Variants in AGBL1 observed in about 807,000 individuals in gnomAD.
AGBL1 encodes the protein cytosolic carboxypeptidase 4.
Under a neutral mutation model 118.9 loss-of-function variants are expected in AGBL1, and 130 were observed. That is an observed-to-expected ratio of 1.09 (90% CI 0.95 to 1.26). The LOEUF (loss-of-function observed/expected upper bound fraction) is 1.26, where lower values mean the gene tolerates loss of function less well. Among genes scored for constraint, AGBL1 ranks in the 50% most tolerant of loss-of-function variants. The probability of loss-of-function intolerance (pLI) is 0.00; values close to 1 mark genes in which losing one functional copy is unlikely to be tolerated. For synonymous variants in AGBL1, 555 were observed against 478.9 expected, an observed-to-expected ratio of 1.16 and a Z score of -2.08; for missense variants, 1,584 against 1,298.1, an observed-to-expected ratio of 1.22 and a Z score of -3.38.
At chr15:86,582,833 G>C (rs1315695973) in intron 21 of AGBL1, among the ~76,000 whole-genome samples, 1 of 149,308 alleles carries the variant, frequency 6.7e-6, no homozygotes, top group Non-Finnish European at 1.5e-5. Flanking sequence ...GACACAGGAA[G>C]GGGAACATCA....
chr15:86,665,236 G>T (rs1209061570), intron 21 of AGBL1, among the ~76,000 whole-genome samples: 1 of 152,100 alleles, frequency 6.6e-6, no homozygotes, highest in East Asian at 1.9e-4. Flanking sequence ...TGTCTCTGTT[G>T]CTCATTTTAC....
chr15:86,803,380 T>G (rs1394240791), intron 22 of AGBL1, among the ~76,000 whole-genome samples: 1 of 152,162 alleles, frequency 6.6e-6, no homozygotes, highest in East Asian at 1.9e-4. Context: ...GATTGTAAGT[T>G]TCCCTGAGGC....
At chr15:86,436,509 C>T (rs969964669) in intron 18 of AGBL1, among the ~76,000 whole-genome samples, 6 of 151,992 alleles carry the variant, frequency 3.9e-5, no homozygotes, top group Non-Finnish European at 1.5e-5. Flanking sequence ...AGTTTCAGGG[C>T]CAGGAAACTC....
intron 18 of AGBL1, among the ~76,000 whole-genome samples, chr15:86,459,640 C>T (rs116953343): frequency 0.017 from 2,625 of 152,186 alleles, 29 homozygotes; most frequent in Non-Finnish European, 0.024. Context: ...GCCCCAGACA[C>T]AGCCCTCCAC....
At chr15:86,171,262 G>A (rs1330583611) in intron 5 of AGBL1, among the ~76,000 whole-genome samples, 6 of 152,128 alleles carry the variant, frequency 3.9e-5, no homozygotes, top group Non-Finnish European at 8.8e-5. Context: ...TATTATTTTA[G>A]TCTCTTTAAA....
intron 17 of AGBL1, among the ~76,000 whole-genome samples, chr15:86,380,584 C>G (rs2081101214): frequency 1.3e-5 from 2 of 148,914 alleles, no homozygotes; most frequent in Non-Finnish European, 3.0e-5. Context: ...CTCACTCCCT[C>G]CCTATGGCAT....
At chr15:86,830,856 A>G (rs1359221569) in intron 22 of AGBL1, among the ~76,000 whole-genome samples, 2 of 152,212 alleles carry the variant, frequency 1.3e-5, no homozygotes, top group Non-Finnish European at 2.9e-5. Context: ...ATGGCATCTC[A>G]TATAACAATG....
intron 17 of AGBL1, among the ~76,000 whole-genome samples, chr15:86,395,558 T>C (rs2081349720): frequency 6.6e-6 from 1 of 152,112 alleles, no homozygotes; most frequent in African/African-American, 2.4e-5. Context: ...TATTCAACTT[T>C]TTCTACCCAG....
chr15:86,930,317 A>T (rs2080590325), intron 23 of AGBL1, among the ~76,000 whole-genome samples: 1 of 152,168 alleles, frequency 6.6e-6, no homozygotes. Flanking sequence ...TATGAACAGG[A>T]TGAAGTGATG....
At chr15:86,312,612 C>T (rs1419385949) in intron 17 of AGBL1, among the ~76,000 whole-genome samples, 3 of 152,200 alleles carry the variant, frequency 2.0e-5, no homozygotes, top group African/African-American at 7.2e-5. Flanking sequence ...CCCCAGTGTC[C>T]TATGTGTATC....
intron 17 of AGBL1, among the ~76,000 whole-genome samples, chr15:86,306,856 T>C (rs2079849624): frequency 6.6e-6 from 1 of 152,196 alleles, no homozygotes; most frequent in Admixed American, 6.5e-5. Flanking sequence ...ATAAAAGCCA[T>C]TTTAACTGTG....
intron 16 of AGBL1, among the ~76,000 whole-genome samples, chr15:86,290,482 C>G (rs1227417327): frequency 6.6e-6 from 1 of 151,388 alleles, no homozygotes; most frequent in African/African-American, 2.4e-5. Flanking sequence ...TCCCACGTAG[C>G]TGGGACCACA....
chr15:86,128,326 A>C (rs887693057), intron 1 of AGBL1, among the ~76,000 whole-genome samples: 1 of 152,062 alleles, frequency 6.6e-6, no homozygotes, highest in Non-Finnish European at 1.5e-5. Context: ...CCACAAGAAC[A>C]GTATGGGGGA....
At chr15:86,294,631 T>A (rs1395812113) in intron 16 of AGBL1, among the ~76,000 whole-genome samples, 1 of 152,162 alleles carries the variant, frequency 6.6e-6, no homozygotes, top group Non-Finnish European at 1.5e-5. Context: ...CTATGTGCTG[T>A]AGAAGTTTTC....
At chr15:86,259,755 G>C (rs1238371601) in intron 9 of AGBL1, among the ~76,000 whole-genome samples, 1 of 152,212 alleles carries the variant, frequency 6.6e-6, no homozygotes, top group African/African-American at 2.4e-5. Context: ...GAATAATACT[G>C]TGCTGCTGCA....
intron 22 of AGBL1, among the ~76,000 whole-genome samples, chr15:86,784,930 T>TA (rs539429718): frequency 3.3e-5 from 5 of 151,812 alleles, no homozygotes; most frequent in South Asian, 4.2e-4. Context: ...ATAAGATTAT[T>TA]AAAAAAAAAT....
chr15:86,140,106 C>G (rs1386195119), intron 1 of AGBL1: 1 of 180,336 alleles, frequency 5.5e-6, no homozygotes, highest in Non-Finnish European at 1.2e-5. Context: ...GTGCCCCTCC[C>G]AGAGTCATAG....
At chr15:86,145,745 C>A (rs2077025061) in intron 3 of AGBL1, among the ~76,000 whole-genome samples, 1 of 152,188 alleles carries the variant, frequency 6.6e-6, no homozygotes, top group Non-Finnish European at 1.5e-5. Flanking sequence ...CTCCTAGGGC[C>A]AGGTGCTTTA....
intron 16 of AGBL1, among the ~76,000 whole-genome samples, chr15:86,286,653 T>A (rs1252728804): frequency 6.6e-6 from 1 of 150,460 alleles, no homozygotes; most frequent in African/African-American, 2.5e-5. Context: ...TCCTGCTTTT[T>A]AAGACTGAAT....
Sources: gnomAD v4.1 joint callset for allele counts (sites outside exome capture counted in the v4.1 genomes callset) on GRCh38, gnomAD v4.1.1 for gene constraint, MANE v1.5 for transcripts, NCBI Gene and HGNC (gene_info 2026-07-23, HGNC 2026-07-21) for gene names.